FER1L6: variants seen among roughly 807,000 people sequenced by gnomAD.
FER1L6 encodes fer-1 like family member 6.
A neutral mutation model predicts 219.2 loss-of-function variants in FER1L6; 177 were observed. The observed-to-expected ratio is 0.81, with a 90% CI of 0.71 to 0.91. The LOEUF (loss-of-function observed/expected upper bound fraction) is 0.91. Among genes scored for constraint, FER1L6 ranks in the 40% least tolerant of loss-of-function variants. FER1L6 has a pLI of 0.00. For missense variants in FER1L6, 2,153 were observed against 2,259.9 expected, an observed-to-expected ratio of 0.95 and a Z score of 0.96; for synonymous variants, 768 against 824.3, an observed-to-expected ratio of 0.93 and a Z score of 1.17.
chr8:123,987,943 C>T (rs1200998316), intron 12 of FER1L6, among the ~76,000 whole-genome samples: 1 of 152,122 alleles, frequency 6.6e-6, no homozygotes, highest in Non-Finnish European at 1.5e-5. Flanking sequence ...AGTAAAAATA[C>T]AAAAATTAGC....
chr8:124,011,900 C>T (rs757488048), intron 14 of FER1L6, among the ~76,000 whole-genome samples: 8 of 152,044 alleles, frequency 5.3e-5, no homozygotes, highest in Non-Finnish European at 1.0e-4. Flanking sequence ...ATACCTGGCA[C>T]GTGATAGCCA....
intron 39 of FER1L6, among the ~76,000 whole-genome samples, chr8:124,115,235 T>C (rs1823194352): frequency 6.6e-6 from 1 of 151,270 alleles, no homozygotes; most frequent in Admixed American, 6.6e-5. Context: ...TTTTATTAGC[T>C]CTGATTTTAA....
At chr8:124,089,868 TTAGA>T (rs138693098) in intron 33 of FER1L6, among the ~76,000 whole-genome samples, 238 of 152,350 alleles carry the variant, frequency 1.6e-3, no homozygotes, top group African/African-American at 5.2e-3. Flanking sequence ...TTTTATGTCA[TTAGA>T]TATTCTTTAT....
chr8:123,870,468 T>G (rs1161888585), intron 1 of FER1L6, among the ~76,000 whole-genome samples: 2 of 152,098 alleles, frequency 1.3e-5, no homozygotes, highest in African/African-American at 4.8e-5. Flanking sequence ...TATTCAGTGG[T>G]AAAAAAGAAG....
chr8:124,043,433 C>G (rs1187465140), intron 20 of FER1L6, among the ~76,000 whole-genome samples: 1 of 152,154 alleles, frequency 6.6e-6, no homozygotes, highest in African/African-American at 2.4e-5. Flanking sequence ...TAAGTGCTAC[C>G]ATAACTTCCA....
intron 24 of FER1L6, 124 bp from the exon 25 acceptor site, chr8:124,061,728 C>A: frequency 1.2e-6 from 1 of 868,222 alleles, no homozygotes. Context: ...TGGCAATCTG[C>A]AGGACTGGCC....
At chr8:124,028,881 T>C (rs1041207555) in intron 18 of FER1L6, among the ~76,000 whole-genome samples, 5 of 152,206 alleles carry the variant, frequency 3.3e-5, no homozygotes, top group African/African-American at 1.2e-4. Flanking sequence ...CAACCTGTCA[T>C]CTAGGTTTTA....
intron 22 of FER1L6, among the ~76,000 whole-genome samples, chr8:124,051,602 T>C (rs564701740): frequency 5.9e-5 from 9 of 152,304 alleles, no homozygotes; most frequent in African/African-American, 2.2e-4. Context: ...AGATGTCCAA[T>C]TCTACCATGT....
intron 1 of FER1L6, among the ~76,000 whole-genome samples, chr8:123,868,875 T>C (rs1816879078): frequency 6.6e-6 from 1 of 152,090 alleles, no homozygotes; most frequent in South Asian, 2.1e-4. Flanking sequence ...AGGTATCACA[T>C]AGAGAAATAA....
intron 1 of FER1L6, among the ~76,000 whole-genome samples, chr8:123,936,130 G>A (rs370926462): frequency 6.6e-6 from 1 of 152,156 alleles, no homozygotes; most frequent in Admixed American, 6.5e-5. Context: ...TCGGTCAGAT[G>A]CATGTCCCCT....
rs1817495220 is a variant in FER1L6, at chr8:124,003,191, G to T, written c.1544G>T (p.Gly515Val). 2 of 1,613,862 alleles carry T rather than the reference G, an allele frequency of 1.2e-6. No homozygotes were observed. The highest frequency in any genetic ancestry group is 2.2e-5 in the South Asian group (2 of 91,054). The change falls in exon 13 of 41, where the codon GGA (glycine) becomes GTA (valine). Residue 515 changes from glycine (G) to valine (V), a missense_variant. Transcript: ENST00000522917. ...GGTAATTTTGGAAACCTGATTGATG[G>T]AGGATCCCATCATGGGAGTAAGAAG... ...SIGNFGNLIDGGSHHGSKKSA... is the reference protein window; with the variant it reads ...SIGNFGNLIDVGSHHGSKKSA...
intron 11 of FER1L6, among the ~76,000 whole-genome samples, chr8:123,983,181 C>T (rs1272184096): frequency 6.6e-6 from 1 of 152,162 alleles, no homozygotes; most frequent in Admixed American, 6.5e-5. Context: ...CTTTCAGCAT[C>T]TTCTTTTTCA....
chr8:123,870,213 G>C (rs575459948), intron 1 of FER1L6, among the ~76,000 whole-genome samples: 1 of 152,168 alleles, frequency 6.6e-6, no homozygotes, highest in Non-Finnish European at 1.5e-5. Flanking sequence ...AAATGTAAGT[G>C]GTATAGCCAC....
rs185799213 is a variant in FER1L6 at position 123,931,203 on chromosome 8, G to C, written c.-7-24789G>C. ...TATGTTAATGGGAAGTTGTAAATCT[G>C]CCCAATAACCAGGGCAGGGTCTTGT... On this transcript the variant is annotated intron_variant, in intron 1 of 40. Coordinates refer to ENST00000522917, the MANE Select transcript of FER1L6 (RefSeq NM_001039112.2). 3.5e-3 allele frequency among the ~76,000 whole-genome samples: 528 copies of C among 152,270 alleles called. 6 individuals carry two copies. Among genetic ancestry groups the C allele is most frequent in the Non-Finnish European group, 4.3e-3 (293 of 68,026 alleles).
At chr8:123,991,487 C>A (rs1039266985) in intron 12 of FER1L6, among the ~76,000 whole-genome samples, 1 of 150,914 alleles carries the variant, frequency 6.6e-6, no homozygotes, top group African/African-American at 2.4e-5. Flanking sequence ...GGATTGTGTT[C>A]TTGATTTGAT....
Position 124,116,573 on chromosome 8 carries a change from A to C in FER1L6, c.5290-2271A>C, listed in dbSNP as rs556611392. ...TGCATGAAACACCATGCAAGTTATAAAGTGCCAGAGCTGAGTTTATTAAGA... is the reference window on the plus strand; with the variant it reads ...TGCATGAAACACCATGCAAGTTATACAGTGCCAGAGCTGAGTTTATTAAGA... On this transcript the variant is annotated intron_variant, in intron 39 of 40. Coordinates refer to ENST00000522917, the MANE Select transcript of FER1L6 (RefSeq NM_001039112.2). Among the ~76,000 whole-genome samples the C allele has an allele frequency of 8.4e-4, 128 of 152,302 alleles. 1 individual carries two copies. Among genetic ancestry groups the C allele is most frequent in the Non-Finnish European group, 1.5e-3 (104 of 68,030 alleles).
intron 39 of FER1L6, among the ~76,000 whole-genome samples, chr8:124,118,348 T>TA (rs1229644331): frequency 6.6e-6 from 1 of 152,058 alleles, no homozygotes; most frequent in African/African-American, 2.4e-5. Flanking sequence ...AGTGCTATAA[T>TA]AAAAGGATAA....
At position 124,064,420 on chromosome 8, in the gene FER1L6, C is replaced by T. The variant is rs749214974; in HGVS notation, c.3402C>T (p.His1134=). ...HSSSQDPPAD[H]IYVDVEPPPT... is the part of the protein sequence containing the mutation. ...CCTCCCAGGATCCCCCAGCAGATCA[C>T]ATTTATGTGGATGTTGAGCCACCTC... Residue 1134 remains histidine (H), a synonymous_variant, in exon 26 of 41, where the codon CAC becomes CAT. Coordinates refer to ENST00000522917, the MANE Select transcript of FER1L6 (RefSeq NM_001039112.2). The T allele has an allele frequency of 6.8e-6, 11 of 1,613,940 alleles. No individual in the cohort carries two copies. The highest frequency in any genetic ancestry group is 9.3e-6 in the Non-Finnish European group (11 of 1,179,956).
Position 123,960,611 on chromosome 8 carries a change from A to T in FER1L6, c.77-2667A>T, listed in dbSNP as rs150952019. Among the ~76,000 whole-genome samples, 481 of 152,238 alleles carry T rather than the reference A, an allele frequency of 3.2e-3. 2 individuals are homozygous for T. Among genetic ancestry groups the T allele is most frequent in the African/African-American group, 0.011 (457 of 41,564 alleles). On this transcript the variant is annotated intron_variant, in intron 2 of 40. Coordinates refer to ENST00000522917, the MANE Select transcript of FER1L6 (RefSeq NM_001039112.2). Reference sequence around the variant, plus strand: ...TGGAGGCCAAATGCTGGAAATCAGTATCACTGGGCCAAAATCACAGGCCCC... The same window carrying T: ...TGGAGGCCAAATGCTGGAAATCAGTTTCACTGGGCCAAAATCACAGGCCCC...
Sources: gnomAD v4.1 joint callset for allele counts (sites outside exome capture counted in the v4.1 genomes callset) on GRCh38, gnomAD v4.1.1 for gene constraint, MANE v1.5 for transcripts, NCBI Gene and HGNC (gene_info 2026-07-23, HGNC 2026-07-21) for gene names.